Variants in ASTN2 observed in about 807,000 individuals in gnomAD.
ASTN2 encodes the protein astrotactin 2.
Under a neutral mutation model 139.8 loss-of-function variants are expected in ASTN2, and 54 were observed. That is an observed-to-expected ratio of 0.39 (90% CI 0.31 to 0.48). The LOEUF is 0.48. Among genes scored for constraint, ASTN2 ranks in the 20% least tolerant of loss-of-function variants. The pLI is 0.95. For synonymous variants in ASTN2, 756 were observed against 719.5 expected, an observed-to-expected ratio of 1.05 and a Z score of -0.81; for missense variants, 1,565 against 1,725.1, an observed-to-expected ratio of 0.91 and a Z score of 1.64.
At chr9:117,212,409 C>T (rs1252026986) in intron 3 of ASTN2, among the ~76,000 whole-genome samples, 1 of 151,584 alleles carries the variant, frequency 6.6e-6, no homozygotes, top group East Asian at 1.9e-4. Context: ...CAAAAGTAGA[C>T]AAGATTATAT....
intron 13 of ASTN2, among the ~76,000 whole-genome samples, chr9:116,764,036 C>G (rs998470022): frequency 6.6e-6 from 1 of 152,180 alleles, no homozygotes. Context: ...ACCTCTGAGT[C>G]TTTCCAACAC....
chr9:116,698,116 A>G lies in ASTN2; in HGVS notation c.2806+27655T>C, dbSNP rs758786326. The G allele has an allele frequency of 5.0e-6, 8 of 1,614,064 alleles. 1 individual carries two copies. Among genetic ancestry groups the G allele is most frequent in the Non-Finnish European group, 6.8e-6 (8 of 1,180,032 alleles). ...TTGGTGTTATGTGAGCCCTGCCGGG[A>G]GGCAGACCATCAGCCTCCTGGCCAC... On this transcript the variant is annotated intron_variant, in intron 16 of 22. Transcript: ENST00000313400. The surrounding 1 kb of genome is among the most constrained non-coding windows in gnomAD (Gnocchi z 4.4).
chr9:117,230,199 C>T (rs1186579954), intron 2 of ASTN2, among the ~76,000 whole-genome samples: 1 of 103,100 alleles, frequency 9.7e-6, no homozygotes, highest in African/African-American at 3.7e-5. Flanking sequence ...AAAAAAAAAT[C>T]ACCCAAACTG....
intron 17 of ASTN2, among the ~76,000 whole-genome samples, chr9:116,642,284 T>C (rs1857381614): frequency 1.3e-5 from 2 of 152,054 alleles, no homozygotes. Flanking sequence ...ACTCTTGACC[T>C]CCCTTATTCT....
At chr9:117,167,490 G>A (rs760204442) in intron 3 of ASTN2, among the ~76,000 whole-genome samples, 20 of 152,066 alleles carry the variant, frequency 1.3e-4, no homozygotes, top group Admixed American at 6.6e-4. Context: ...CTAAGGAAAT[G>A]AGCAAAATCA....
chr9:116,992,500 G>A (rs1301450481), intron 7 of ASTN2, among the ~76,000 whole-genome samples: 1 of 152,172 alleles, frequency 6.6e-6, no homozygotes, highest in Admixed American at 6.5e-5. Context: ...ACCTAAAAAT[G>A]AGTGCCTCCT....
At chr9:117,283,675 G>A (rs974017935) in intron 2 of ASTN2, among the ~76,000 whole-genome samples, 5 of 152,254 alleles carry the variant, frequency 3.3e-5, no homozygotes, top group Admixed American at 6.5e-5. Flanking sequence ...ACTACTAGAT[G>A]TTTGCCATCC....
At chr9:116,646,190 A>G (rs184259941) in intron 17 of ASTN2, among the ~76,000 whole-genome samples, 2 of 152,344 alleles carry the variant, frequency 1.3e-5, no homozygotes, top group African/African-American at 2.4e-5. Flanking sequence ...CCATGTAAAT[A>G]AAGTGTCTTG....
chr9:116,797,268 T>A (rs929202254), intron 13 of ASTN2, among the ~76,000 whole-genome samples: 7 of 152,234 alleles, frequency 4.6e-5, no homozygotes, highest in African/African-American at 1.7e-4. Flanking sequence ...ATGTCAATTA[T>A]ACTTTAATAA....
intron 3 of ASTN2, among the ~76,000 whole-genome samples, chr9:117,157,994 C>T (rs976626646): frequency 6.6e-6 from 1 of 151,966 alleles, no homozygotes; most frequent in Non-Finnish European, 1.5e-5. Context: ...AGCCACATGG[C>T]ATGTATTGGC....
At chr9:117,012,396 C>G (rs571376258) in intron 6 of ASTN2, among the ~76,000 whole-genome samples, 1 of 152,254 alleles carries the variant, frequency 6.6e-6, no homozygotes, top group South Asian at 2.1e-4. Context: ...ATATCAGAGC[C>G]TGAAAAGAAG....
At chr9:116,847,421 T>C (rs1249946511) in intron 11 of ASTN2, among the ~76,000 whole-genome samples, 2 of 152,154 alleles carry the variant, frequency 1.3e-5, no homozygotes, top group African/African-American at 2.4e-5. Context: ...GCTGAGGATT[T>C]TTATAAGCAC....
intron 17 of ASTN2, among the ~76,000 whole-genome samples, chr9:116,632,127 GA>G (rs1411218272): frequency 2.2e-5 from 1 of 45,556 alleles, no homozygotes; most frequent in Non-Finnish European, 4.3e-5. Context: ...AAAAGAAAAA[GA>G]AGAGAGAGAG....
chr9:117,154,678 T>C (rs1490214247), intron 3 of ASTN2, among the ~76,000 whole-genome samples: 2 of 152,084 alleles, frequency 1.3e-5, no homozygotes, highest in African/African-American at 2.4e-5. Flanking sequence ...AAGGATGAGA[T>C]AAAACAAATG....
intron 11 of ASTN2, among the ~76,000 whole-genome samples, chr9:116,853,719 AG>A (rs566385659): frequency 5.1e-4 from 78 of 152,332 alleles, no homozygotes; most frequent in African/African-American, 1.8e-3. Context: ...CACCTAAAAC[AG>A]TGTGGAGCAC....
intron 13 of ASTN2, among the ~76,000 whole-genome samples, chr9:116,755,144 T>A (rs568517001): frequency 6.6e-6 from 1 of 152,278 alleles, no homozygotes; most frequent in East Asian, 1.9e-4. Context: ...CTCCTTTGGA[T>A]CCATTTAAAT....
intron 3 of ASTN2, among the ~76,000 whole-genome samples, chr9:117,202,651 G>T (rs1291730939): frequency 6.6e-6 from 1 of 152,134 alleles, no homozygotes; most frequent in East Asian, 1.9e-4. Context: ...TAAGAATGTT[G>T]AATATTGGCC....
At chr9:117,104,363 T>C (rs1034882030) in intron 4 of ASTN2, among the ~76,000 whole-genome samples, 4 of 152,138 alleles carry the variant, frequency 2.6e-5, no homozygotes, top group Non-Finnish European at 5.9e-5. Flanking sequence ...AACCTCTCCA[T>C]GACATACTTT....
chr9:117,149,603 C>G (rs1830282180), intron 3 of ASTN2, among the ~76,000 whole-genome samples: 1 of 152,074 alleles, frequency 6.6e-6, no homozygotes, highest in South Asian at 2.1e-4. Flanking sequence ...TACACCTAAG[C>G]TGGGAAGACC....
Sources: gnomAD v4.1 joint callset for allele counts (sites outside exome capture counted in the v4.1 genomes callset) on GRCh38, gnomAD v4.1.1 for gene constraint, Gnocchi (gnomAD v3.1) non-coding constraint, MANE v1.5 for transcripts, NCBI Gene and HGNC (gene_info 2026-07-23, HGNC 2026-07-21) for gene names.